Variants in DLG2 observed in about 807,000 individuals in gnomAD.
DLG2 encodes the protein disks large homolog 2.
A neutral mutation model predicts 132.5 loss-of-function variants in DLG2; 45 were observed. The ratio of observed to expected loss-of-function variants is 0.34; its 90% CI spans 0.27 to 0.44. The LOEUF (loss-of-function observed/expected upper bound fraction) is 0.44, where lower values mean the gene tolerates loss of function less well. DLG2 is among the 20% of genes least tolerant of loss of function. The pLI is 1.00. For missense variants in DLG2, 1,045 were observed against 1,196.9 expected (o/e 0.87, Z 1.87); for synonymous variants, 424 against 419.6 (o/e 1.01, Z -0.13).
At chr11:84,053,256 G>T (rs1190008383) in intron 11 of DLG2, among the ~76,000 whole-genome samples, 1 of 151,970 alleles carries the variant, frequency 6.6e-6, no homozygotes, top group African/African-American at 2.4e-5. Flanking sequence ...ACACACTGGG[G>T]CCTGTTGGAG....
chr11:85,222,318 T>C (rs921422856), intron 4 of DLG2, among the ~76,000 whole-genome samples: 5 of 152,258 alleles, frequency 3.3e-5, no homozygotes, highest in African/African-American at 7.2e-5. Context: ...CATAGACCCA[T>C]TTAGTGGTAG....
chr11:84,642,329 C>T (rs1304641284), intron 6 of DLG2, among the ~76,000 whole-genome samples: 1 of 151,798 alleles, frequency 6.6e-6, no homozygotes, highest in African/African-American at 2.4e-5. Flanking sequence ...ACTCCTGCAG[C>T]TTTGTATATA....
chr11:85,511,151 T>G (rs1199762440), intron 3 of DLG2, among the ~76,000 whole-genome samples: 9 of 151,908 alleles, frequency 5.9e-5, no homozygotes, highest in Admixed American at 5.9e-4. Context: ...ATGTTCTCAC[T>G]CATAGATGGG....
intron 3 of DLG2, among the ~76,000 whole-genome samples, chr11:85,341,410 G>A (rs527744594): frequency 3.9e-5 from 6 of 152,270 alleles, no homozygotes; most frequent in East Asian, 1.9e-4. Flanking sequence ...ATGAGCCACC[G>A]TGCCTAGCTG....
At chr11:85,443,356 A>G (rs1475168257) in intron 3 of DLG2, among the ~76,000 whole-genome samples, 1 of 152,250 alleles carries the variant, frequency 6.6e-6, no homozygotes, top group African/African-American at 2.4e-5. Context: ...AACATAGAAC[A>G]TAGCCCTGTG....
chr11:85,297,158 A>T (rs2079284425), intron 3 of DLG2, among the ~76,000 whole-genome samples: 1 of 152,134 alleles, frequency 6.6e-6, no homozygotes, highest in African/African-American at 2.4e-5. Context: ...ATAACTAAAG[A>T]GTTAGCTTAA....
At chr11:85,122,183 C>T (rs1159961619) in intron 5 of DLG2, among the ~76,000 whole-genome samples, 1 of 152,168 alleles carries the variant, frequency 6.6e-6, no homozygotes, top group African/African-American at 2.4e-5. Flanking sequence ...GAAATAGGCA[C>T]ATGGAAAAGC....
chr11:84,500,929 G>T (rs2099202493), intron 7 of DLG2, among the ~76,000 whole-genome samples: 1 of 152,064 alleles, frequency 6.6e-6, no homozygotes, highest in Non-Finnish European at 1.5e-5. Context: ...CAAATATATT[G>T]TCAAGGACCC....
intron 7 of DLG2, among the ~76,000 whole-genome samples, chr11:84,298,631 C>T (rs2098119466): frequency 6.6e-6 from 1 of 152,194 alleles, no homozygotes; most frequent in South Asian, 2.1e-4. Context: ...CTGTAAGTAA[C>T]TACAATGCTA....
intron 8 of DLG2, among the ~76,000 whole-genome samples, chr11:84,174,022 T>TTTTTTTTTTTTTG (rs2095884454): frequency 7.2e-6 from 1 of 139,632 alleles, no homozygotes; most frequent in Non-Finnish European, 1.6e-5. Flanking sequence ...GCCTTTTTTT[T>TTTTTTTTTTTTTG]TTTTTTTTTT....
intron 11 of DLG2, among the ~76,000 whole-genome samples, chr11:83,990,775 A>G (rs188325683): frequency 6.6e-6 from 1 of 152,298 alleles, no homozygotes; most frequent in Admixed American, 6.5e-5. Flanking sequence ...ATTATTAAGC[A>G]TACTGGTCCT....
intron 7 of DLG2, among the ~76,000 whole-genome samples, chr11:84,430,455 G>GAAAAGA (rs141091898): frequency 2.8e-5 from 4 of 142,680 alleles, no homozygotes; most frequent in African/African-American, 1.0e-4. Flanking sequence ...AAAAAGAAAA[G>GAAAAGA]AAAAAAAAAA....
intron 4 of DLG2, among the ~76,000 whole-genome samples, chr11:85,265,749 A>C (rs768498742): frequency 6.6e-6 from 1 of 152,226 alleles, no homozygotes; most frequent in Non-Finnish European, 1.5e-5. Context: ...TAAAGATCCT[A>C]GACTCAGCCA....
intron 7 of DLG2, among the ~76,000 whole-genome samples, chr11:84,265,668 A>G (rs2097614487): frequency 6.6e-6 from 1 of 152,150 alleles, no homozygotes; most frequent in African/African-American, 2.4e-5. Flanking sequence ...AAATTGTAAC[A>G]AGATAAATAA....
intron 15 of DLG2, among the ~76,000 whole-genome samples, chr11:83,883,773 T>G (rs1239912550): frequency 6.8e-6 from 1 of 147,812 alleles, no homozygotes; most frequent in Non-Finnish European, 1.5e-5. Flanking sequence ...CAGAAAGCAA[T>G]AAGGCACTTA....
intron 3 of DLG2, among the ~76,000 whole-genome samples, chr11:85,479,238 A>G (rs2093225923): frequency 1.3e-5 from 2 of 152,126 alleles, no homozygotes; most frequent in African/African-American, 2.4e-5. Context: ...AGTTCTGGAG[A>G]CTGAGAAGTC....
chr11:85,375,978 C>T (rs2085371773), intron 3 of DLG2, among the ~76,000 whole-genome samples: 1 of 152,078 alleles, frequency 6.6e-6, no homozygotes, highest in African/African-American at 2.4e-5. Context: ...AAGAAAAATG[C>T]CAAGTATACA....
At chr11:83,527,841 T>G (rs948742744) in intron 21 of DLG2, among the ~76,000 whole-genome samples, 2 of 152,150 alleles carry the variant, frequency 1.3e-5, no homozygotes, top group African/African-American at 4.8e-5. Context: ...CATAAATCAC[T>G]AAATAGTCAT....
At chr11:85,392,553 C>G (rs1278155243) in intron 3 of DLG2, among the ~76,000 whole-genome samples, 3 of 151,962 alleles carry the variant, frequency 2.0e-5, no homozygotes, top group Admixed American at 1.3e-4. Flanking sequence ...AGGCATCATA[C>G]TACCTGACTT....
Sources: gnomAD v4.1 joint callset for allele counts (sites outside exome capture counted in the v4.1 genomes callset) on GRCh38, gnomAD v4.1.1 for gene constraint, MANE v1.5 for transcripts, NCBI Gene and HGNC (gene_info 2026-07-23, HGNC 2026-07-21) for gene names.